GRK5: variants seen among roughly 807,000 people sequenced by gnomAD.
GRK5 encodes g protein-coupled receptor kinase GRK5.
A neutral mutation model predicts 78.4 loss-of-function variants in GRK5; 40 were observed. The ratio of observed to expected loss-of-function variants is 0.51; its 90% CI spans 0.40 to 0.66. GRK5 has a LOEUF of 0.66. Among genes scored for constraint, GRK5 ranks in the 30% least tolerant of loss-of-function variants. The probability of loss-of-function intolerance (pLI) is 0.00; values close to 1 mark genes in which losing one functional copy is unlikely to be tolerated. For missense variants in GRK5, 598 were observed against 759.9 expected (o/e 0.79, Z 2.50); for synonymous variants, 289 against 296.8 (o/e 0.97, Z 0.27).
chr10:119,399,873 T>C (rs1852120254), intron 4 of GRK5, among the ~76,000 whole-genome samples: 1 of 152,230 alleles, frequency 6.6e-6, no homozygotes, highest in Non-Finnish European at 1.5e-5. Flanking sequence ...CACTGGACTG[T>C]GGCCACACCA....
rs539613075 is a variant in GRK5, at chr10:119,363,361, G to C, written c.149-17454G>C. ...CTGTGCTAAGTGCCTTGATTGATCT[G>C]TACCTTCTAGATAGGTCATACTATT... On this transcript the variant is annotated intron_variant, in intron 2 of 15. Coordinates refer to ENST00000392870, the MANE Select transcript of GRK5 (RefSeq NM_005308.3). Among the ~76,000 whole-genome samples the C allele has an allele frequency of 4.0e-5, 6 of 151,776 alleles. No individual in the cohort carries two copies. The East Asian group carries it at 1.2e-3, about 29-fold the overall frequency.
chr10:119,256,176 C>T (rs578002840), intron 1 of GRK5, among the ~76,000 whole-genome samples: 1 of 152,146 alleles, frequency 6.6e-6, no homozygotes, highest in East Asian at 1.9e-4. Flanking sequence ...GGAAAGCCTC[C>T]CAGAGCCACC....
At chr10:119,454,366 G>C (rs1354175941) in intron 15 of GRK5, among the ~76,000 whole-genome samples, 4 of 152,190 alleles carry the variant, frequency 2.6e-5, no homozygotes, top group African/African-American at 9.7e-5. Context: ...GGATAGAAAT[G>C]CCCATTGCCT....
chr10:119,447,773 C>T lies in GRK5; in HGVS notation c.1267-350C>T, dbSNP rs561012376. 1.0e-3 allele frequency among the ~76,000 whole-genome samples: 159 copies of T among 152,300 alleles called. 1 individual carries two copies. The highest frequency in any genetic ancestry group is 1.4e-3 in the Non-Finnish European group (96 of 68,012). Reference sequence around the variant, plus strand: ...TCTGCAAATTAGCTGAGTATGTGCACGAGACAGAGCTATTGATGCAGTCCT... The same window carrying T: ...TCTGCAAATTAGCTGAGTATGTGCATGAGACAGAGCTATTGATGCAGTCCT... On this transcript the variant is annotated intron_variant, in intron 12 of 15. Coordinates refer to ENST00000392870, the MANE Select transcript of GRK5 (RefSeq NM_005308.3).
chr10:119,228,756 A>G (rs1456961940), intron 1 of GRK5, among the ~76,000 whole-genome samples: 1 of 152,226 alleles, frequency 6.6e-6, no homozygotes, highest in Non-Finnish European at 1.5e-5. Context: ...ATTAGAAGAA[A>G]AAAGATGTCT....
At chr10:119,318,206 G>A (rs958671148) in intron 1 of GRK5, among the ~76,000 whole-genome samples, 1 of 152,240 alleles carries the variant, frequency 6.6e-6, no homozygotes, top group African/African-American at 2.4e-5. Flanking sequence ...AGTCAGAACA[G>A]CAGAGCCCTG....
chr10:119,408,806 G>A (rs542145177), intron 4 of GRK5, among the ~76,000 whole-genome samples: 1 of 152,286 alleles, frequency 6.6e-6, no homozygotes, highest in East Asian at 1.9e-4. Flanking sequence ...CGTAATGAAT[G>A]CCACTGAATT....
intron 11 of GRK5, among the ~76,000 whole-genome samples, chr10:119,443,339 C>T (rs537345152): frequency 2.0e-5 from 3 of 152,282 alleles, no homozygotes; most frequent in South Asian, 2.1e-4. Flanking sequence ...CCTCCATCCA[C>T]GGTGGTCAGA....
chr10:119,368,188 G>A (rs1207985913), intron 2 of GRK5, among the ~76,000 whole-genome samples: 2 of 152,258 alleles, frequency 1.3e-5, no homozygotes, highest in Non-Finnish European at 2.9e-5. Context: ...ATTGCCATGT[G>A]AAGTCAACCT....
chr10:119,402,068 C>T (rs890957278), intron 4 of GRK5, among the ~76,000 whole-genome samples: 8 of 152,196 alleles, frequency 5.3e-5, no homozygotes, highest in African/African-American at 1.7e-4. Flanking sequence ...GAAGGAGGCA[C>T]AGAAGCTTTT....
At chr10:119,446,246 T>G (rs913263081) in intron 12 of GRK5, among the ~76,000 whole-genome samples, 8 of 152,244 alleles carry the variant, frequency 5.3e-5, no homozygotes, top group Non-Finnish European at 7.3e-5. Flanking sequence ...AACTGTTGAC[T>G]GGATGCCAGG....
chr10:119,235,939 G>A (rs1479721090), intron 1 of GRK5, among the ~76,000 whole-genome samples: 4 of 152,170 alleles, frequency 2.6e-5, no homozygotes, highest in African/African-American at 9.7e-5. Flanking sequence ...AGTTCCAGAT[G>A]GTTCAGGGGC....
At chr10:119,251,918 C>T (rs1356596206) in intron 1 of GRK5, among the ~76,000 whole-genome samples, 5 of 152,204 alleles carry the variant, frequency 3.3e-5, no homozygotes, top group African/African-American at 9.6e-5. Context: ...GCTGCTTCTC[C>T]GCCCTGTGCA....
At position 119,445,384 on chromosome 10, in the gene GRK5, G is replaced by A. The variant is rs1853123160; in HGVS notation, c.1266+1632G>A. On this transcript the variant is annotated intron_variant, in intron 12 of 15. Transcript: ENST00000392870. This position sits in a 1 kb window ranked among gnomAD's most constrained non-coding sequence, Gnocchi z 4.1. ...TCTTGAGAGATCTCAGCAGGGATAT[G>A]GGACGTACTAAGAGGATGACGAGGC... Among the ~76,000 whole-genome samples, 1 of 152,108 alleles carries A rather than the reference G, an allele frequency of 6.6e-6. No individual in the cohort carries two copies. Among genetic ancestry groups the A allele is most frequent in the Non-Finnish European group, 1.5e-5 (1 of 68,014 alleles).
At chr10:119,319,904 A>C (rs913725200) in intron 1 of GRK5, among the ~76,000 whole-genome samples, 2 of 152,096 alleles carry the variant, frequency 1.3e-5, no homozygotes, top group African/African-American at 2.4e-5. Context: ...TATTCCTGCA[A>C]GCATTCATGC....
chr10:119,306,392 C>T (rs1172365678), intron 1 of GRK5, among the ~76,000 whole-genome samples: 4 of 152,156 alleles, frequency 2.6e-5, no homozygotes, highest in African/African-American at 7.2e-5. Context: ...CAGCTTGGGG[C>T]GCATGTGCGC....
intron 3 of GRK5, among the ~76,000 whole-genome samples, chr10:119,394,219 CGTGTGGGT>C (rs1851948456): frequency 1.2e-4 from 2 of 16,536 alleles, no homozygotes; most frequent in African/African-American, 4.6e-4. Context: ...TGTGTGGGTA[CGTGTGGGT>C]GTGGGTGTGT....
At chr10:119,324,494 G>A (rs574156700) in intron 1 of GRK5, among the ~76,000 whole-genome samples, 85 of 152,330 alleles carry the variant, frequency 5.6e-4, no homozygotes, top group African/African-American at 2.0e-3. Flanking sequence ...CGGGTGCGGT[G>A]GTGCACATCT....
intron 2 of GRK5, among the ~76,000 whole-genome samples, chr10:119,368,223 G>A (rs889779539): frequency 6.6e-6 from 1 of 152,256 alleles, no homozygotes; most frequent in African/African-American, 2.4e-5. Context: ...AGAGACTGAG[G>A]CACTGAGCGG....
Sources: allele counts gnomAD v4.1 joint callset (sites outside exome capture counted in the v4.1 genomes callset), GRCh38; gene constraint gnomAD v4.1.1; non-coding constraint Gnocchi (gnomAD v3.1); transcripts MANE v1.5; gene names NCBI Gene and HGNC (gene_info 2026-07-23, HGNC 2026-07-21).